The following CPQ variants were observed in gnomAD, a reference collection of about 807,000 sequenced individuals.
The protein encoded by CPQ is carboxypeptidase Q.
A neutral mutation model predicts 45.7 loss-of-function variants in CPQ; 37 were observed. The observed-to-expected ratio is 0.81, with a 90% CI of 0.62 to 1.07. The LOEUF is 1.07. Ranked by LOEUF, CPQ falls within the 50% of genes least tolerant of loss-of-function variation. The pLI, the probability that CPQ is intolerant of heterozygous loss-of-function variation, is 0.00. For synonymous variants in CPQ, 186 were observed against 205.8 expected (o/e 0.90, Z 0.82); for missense variants, 537 against 572.9 (o/e 0.94, Z 0.64).
chr8:96,976,422 C>T (rs553673888), intron 5 of CPQ, among the ~76,000 whole-genome samples: 4 of 152,166 alleles, frequency 2.6e-5, no homozygotes, highest in African/African-American at 9.6e-5. Flanking sequence ...AATGACCATA[C>T]TGCCAAAAGC....
intron 7 of CPQ, among the ~76,000 whole-genome samples, chr8:97,137,329 GA>G: frequency 6.6e-6 from 1 of 152,286 alleles, no homozygotes; most frequent in South Asian, 2.1e-4. Flanking sequence ...GACTGGGAAG[GA>G]AACAGCCCCA....
chr8:97,022,089 A>G (rs185778265), intron 5 of CPQ, among the ~76,000 whole-genome samples: 25 of 152,330 alleles, frequency 1.6e-4, no homozygotes, highest in Admixed American at 1.4e-3. Flanking sequence ...AAATACTTAC[A>G]GCCAACTGAT....
At chr8:96,735,828 A>G (rs1245488156) in intron 1 of CPQ, among the ~76,000 whole-genome samples, 1 of 152,074 alleles carries the variant, frequency 6.6e-6, no homozygotes, top group Non-Finnish European at 1.5e-5. Context: ...TAATCCTTAT[A>G]TCTTCTAACA....
At chr8:96,892,773 A>G (rs1586440911) in intron 4 of CPQ, among the ~76,000 whole-genome samples, 3 of 152,140 alleles carry the variant, frequency 2.0e-5, no homozygotes, top group African/African-American at 7.2e-5. Flanking sequence ...ATAGATAGCC[A>G]CCCAGGTAGG....
At chr8:96,919,099 G>C (rs1812772077) in intron 4 of CPQ, among the ~76,000 whole-genome samples, 1 of 151,892 alleles carries the variant, frequency 6.6e-6, no homozygotes, top group African/African-American at 2.4e-5. Flanking sequence ...TCTTCATTTT[G>C]TGTGGTTCAG....
intron 1 of CPQ, among the ~76,000 whole-genome samples, chr8:96,769,532 G>C (rs554972082): frequency 2.0e-5 from 3 of 151,830 alleles, no homozygotes; most frequent in Admixed American, 2.0e-4. Context: ...AAAGGACCAA[G>C]AGCTGTCTTA....
intron 4 of CPQ, among the ~76,000 whole-genome samples, chr8:96,884,844 A>C (rs76721164): frequency 0.043 from 6,564 of 152,230 alleles, 248 homozygotes; most frequent in African/African-American, 0.094. Context: ...GCCTGACACA[A>C]CCTTGCTACT....
At chr8:96,718,137 C>T (rs1356870984) in intron 1 of CPQ, among the ~76,000 whole-genome samples, 1 of 152,194 alleles carries the variant, frequency 6.6e-6, no homozygotes, top group Non-Finnish European at 1.5e-5. Context: ...GTGGCTTCAG[C>T]CCACTTCCCA....
chr8:96,777,397 G>C (rs887671458), intron 1 of CPQ, among the ~76,000 whole-genome samples: 3 of 151,902 alleles, frequency 2.0e-5, no homozygotes, highest in African/African-American at 7.3e-5. Flanking sequence ...CCCCTCATAC[G>C]GAAGGATGGG....
At chr8:96,874,897 C>G (rs1431295943) in intron 3 of CPQ, among the ~76,000 whole-genome samples, 1 of 151,834 alleles carries the variant, frequency 6.6e-6, no homozygotes, top group Non-Finnish European at 1.5e-5. Flanking sequence ...ACATGTTTAA[C>G]TTTTTGAAGA....
chr8:96,665,613 C>T (rs776735910), intron 1 of CPQ, among the ~76,000 whole-genome samples: 2 of 152,172 alleles, frequency 1.3e-5, no homozygotes, highest in Non-Finnish European at 2.9e-5. Flanking sequence ...TGGGATTAAA[C>T]CAAATGAGAG....
intron 4 of CPQ, among the ~76,000 whole-genome samples, chr8:96,960,431 A>G (rs1030627113): frequency 6.6e-6 from 1 of 152,212 alleles, no homozygotes; most frequent in Non-Finnish European, 1.5e-5. Context: ...CACTTGTAAA[A>G]CTGTCTGAGC....
chr8:96,852,535 A>G (rs1006434414), intron 3 of CPQ, among the ~76,000 whole-genome samples: 1 of 152,154 alleles, frequency 6.6e-6, no homozygotes, highest in African/African-American at 2.4e-5. Context: ...TGCTCTGCAC[A>G]CATCCCATCT....
chr8:96,670,259 A>G (rs1808983405), intron 1 of CPQ, among the ~76,000 whole-genome samples: 1 of 152,182 alleles, frequency 6.6e-6, no homozygotes, highest in Admixed American at 6.5e-5. Context: ...CAAGAAGGCA[A>G]AGTATTTACT....
intron 4 of CPQ, among the ~76,000 whole-genome samples, chr8:96,915,115 G>T (rs537515970): frequency 1.3e-5 from 2 of 152,292 alleles, no homozygotes; most frequent in East Asian, 3.9e-4. Flanking sequence ...AAGAGCCAGA[G>T]AACTGTTGAG....
intron 4 of CPQ, among the ~76,000 whole-genome samples, chr8:96,935,740 G>T (rs73698825): frequency 0.077 from 11,676 of 152,116 alleles, 845 homozygotes; most frequent in African/African-American, 0.19. Context: ...GTATTTCAGG[G>T]TTTTTTAGGC....
Position 96,879,841 on chromosome 8 carries a change from A to G in CPQ, c.685A>G (p.Ile229Val). The G allele has an allele frequency of 6.2e-7, 1 of 1,614,116 alleles. No individual in the cohort carries two copies. The highest frequency in any genetic ancestry group is 8.5e-7 in the Non-Finnish European group (1 of 1,179,988). The change falls in exon 4 of 8, where the codon ATT (isoleucine) becomes GTT (valine). Residue 229 changes from isoleucine (I) to valine (V), a missense_variant. Coordinates refer to ENST00000220763, the MANE Select transcript of CPQ (RefSeq NM_016134.4). ...IQEYQDGVPK[I>V]PTACITVEDA... ...GGAATACCAGGATGGCGTGCCCAAG[A>G]TTCCAACAGCCTGTATTACGGTGGA... is the stretch of plus-strand genomic sequence containing the variant.
chr8:96,963,410 A>G (rs752605849), intron 4 of CPQ, among the ~76,000 whole-genome samples: 1 of 152,130 alleles, frequency 6.6e-6, no homozygotes, highest in Non-Finnish European at 1.5e-5. Flanking sequence ...GGTTCATTAC[A>G]TAGCCATTTG....
intron 7 of CPQ, among the ~76,000 whole-genome samples, chr8:97,124,918 T>C (rs1811820059): frequency 6.6e-6 from 1 of 151,712 alleles, no homozygotes; most frequent in East Asian, 1.9e-4. Flanking sequence ...AAAGTAGAAA[T>C]CAATGAAATA....
Sources: allele counts gnomAD v4.1 joint callset (sites outside exome capture counted in the v4.1 genomes callset), GRCh38; gene constraint gnomAD v4.1.1; transcripts MANE v1.5; gene names NCBI Gene and HGNC (gene_info 2026-07-23, HGNC 2026-07-21).